The following ANK3 variants were observed in gnomAD, a reference collection of about 807,000 sequenced individuals.
The protein encoded by ANK3 is ankyrin-3.
ANK3 carries 57 observed loss-of-function variants against 370.9 expected under a neutral mutation model. That is an observed-to-expected ratio of 0.15 (90% confidence interval 0.12 to 0.19). The LOEUF is 0.19. Ranked by LOEUF, ANK3 falls within the 10% of genes least tolerant of loss-of-function variation. ANK3 has a pLI of 1.00. For missense variants in ANK3, 4,439 were observed against 5,302.1 expected (o/e 0.84, Z 5.06); for synonymous variants, 1,929 against 1,946.3 (o/e 0.99, Z 0.23).
chr10:60,530,091 C>A (rs894118472), intron 2 of ANK3, among the ~76,000 whole-genome samples: 11 of 152,176 alleles, frequency 7.2e-5, no homozygotes, highest in East Asian at 5.8e-4. Context: ...TTGCCAGAAC[C>A]CTGCCTCCTT....
intron 2 of ANK3, among the ~76,000 whole-genome samples, chr10:60,438,152 AG>A: frequency 6.6e-6 from 1 of 152,256 alleles, no homozygotes; most frequent in Admixed American, 6.5e-5. Context: ...TAGTGGTTTT[AG>A]GAACACACCT....
intron 2 of ANK3, among the ~76,000 whole-genome samples, chr10:60,395,580 C>A (rs898576137): frequency 2.4e-5 from 3 of 126,118 alleles, no homozygotes; most frequent in Non-Finnish European, 3.3e-5. Context: ...TTCTTTCTTT[C>A]TTTCTTTCTT....
intron 2 of ANK3, among the ~76,000 whole-genome samples, chr10:60,505,081 A>T (rs142750787): frequency 1.8e-3 from 267 of 152,250 alleles, no homozygotes; most frequent in African/African-American, 6.0e-3. Flanking sequence ...TTCATTTTGT[A>T]ATATTTCAGC....
rs188661073 is a variant in ANK3 at position 60,670,832 on chromosome 10, G to A, written c.58-55608C>T. On this transcript the variant is annotated intron_variant, in intron 1 of 43. Coordinates refer to the ANK3 transcript ENST00000373827. ...TTGACTCCAAGTGGGAGTGTTGTGC[G>A]GCACTTCTGAAGGCCACTGAAGGGG... Among the ~76,000 whole-genome samples the A allele has an allele frequency of 1.1e-3, 160 of 152,322 alleles. 1 individual carries two copies. Among genetic ancestry groups the A allele is most frequent in the Admixed American group, 7.6e-3 (116 of 15,308 alleles).
chr10:60,698,473 T>G (rs548176422), intron 1 of ANK3, among the ~76,000 whole-genome samples: 3 of 151,002 alleles, frequency 2.0e-5, no homozygotes, highest in African/African-American at 7.4e-5. Flanking sequence ...TGCGGCACTA[T>G]TCACAATAGC....
chr10:60,181,276 G>T (rs1388356166), intron 18 of ANK3, 53 bp downstream of exon 18: 1 of 1,422,026 alleles, frequency 7.0e-7, no homozygotes, highest in Non-Finnish European at 9.9e-7. Context: ...CTTCCTTACT[G>T]CAGTCACCAA....
chr10:60,311,328 T>C lies in ANK3; in HGVS notation c.115-31689A>G, dbSNP rs115020628. ...GCTGTTCAAACCTCCTAGGCTGTTA[T>C]GTGTAGCCCAAACCTTCTGAATATT... On this transcript the variant is annotated intron_variant, in intron 1 of 43. Transcript: ENST00000280772. 4.7e-3 allele frequency among the ~76,000 whole-genome samples: 714 copies of C among 152,320 alleles called. 5 individuals carry two copies. Among genetic ancestry groups the C allele is most frequent in the African/African-American group, 0.017 (686 of 41,570 alleles).
At chr10:60,710,466 T>C (rs2079688860) in intron 1 of ANK3, among the ~76,000 whole-genome samples, 2 of 152,198 alleles carry the variant, frequency 1.3e-5, no homozygotes, top group Admixed American at 1.3e-4. Flanking sequence ...TATTTTATGA[T>C]AGTAAATGAT....
chr10:60,032,194 CTTTTTTTTTT>C lies in ANK3; in HGVS notation c.*20-2378_*20-2369del, dbSNP rs552219776. On this transcript the variant is annotated intron_variant, in intron 43 of 43. Transcript: ENST00000280772. The stretch of plus-strand genomic sequence containing the variant: ...TTCAGCTATTATAAATACACAGCTT[CTTTTTTTTTT>C]TTTTTTTTTTTTTTTGAGACGAAGT... 7.8e-3 allele frequency among the ~76,000 whole-genome samples: 335 copies of C among 43,162 alleles called. 15 individuals are homozygous for C. Among genetic ancestry groups the C allele is most frequent in the Middle Eastern group, 0.077 (4 of 52 alleles). The allele number at this position is 43,162 out of a possible 152,430, so 28.3% of individuals were successfully genotyped here.
intron 1 of ANK3, among the ~76,000 whole-genome samples, chr10:60,675,443 C>T (rs1347559467): frequency 6.6e-6 from 1 of 152,176 alleles, no homozygotes; most frequent in Non-Finnish European, 1.5e-5. Flanking sequence ...TGTGACCATT[C>T]CAGTCCACAC....
intron 2 of ANK3, among the ~76,000 whole-genome samples, chr10:60,479,836 A>G (rs544683307): frequency 1.3e-5 from 2 of 152,306 alleles, no homozygotes; most frequent in South Asian, 4.2e-4. Flanking sequence ...GAATTTCACA[A>G]CGCTTTTGAT....
intron 23 of ANK3, among the ~76,000 whole-genome samples, chr10:60,162,497 T>C (rs2095523961): frequency 6.6e-6 from 1 of 152,172 alleles, no homozygotes; most frequent in African/African-American, 2.4e-5. Flanking sequence ...TGGATTTTAA[T>C]TTACTGTGGC....
chr10:60,407,207 T>G (rs1230742915), intron 2 of ANK3, among the ~76,000 whole-genome samples: 1 of 152,164 alleles, frequency 6.6e-6, no homozygotes, highest in African/African-American at 2.4e-5. Context: ...ATCCACATTA[T>G]TTTATTTATT....
intron 1 of ANK3, among the ~76,000 whole-genome samples, chr10:60,687,205 G>A (rs55921832): frequency 0.012 from 1,792 of 152,204 alleles, 35 homozygotes; most frequent in African/African-American, 0.041. Context: ...ACACACAACT[G>A]TATATATCGC....
chr10:60,205,302 C>T (rs959870801), intron 11 of ANK3, among the ~76,000 whole-genome samples: 7 of 152,196 alleles, frequency 4.6e-5, no homozygotes, highest in African/African-American at 1.7e-4. Context: ...TTCTCAACCT[C>T]AGCACATTTG....
At chr10:60,532,638 G>T (rs565374739) in intron 2 of ANK3, among the ~76,000 whole-genome samples, 1 of 152,162 alleles carries the variant, frequency 6.6e-6, no homozygotes, top group African/African-American at 2.4e-5. Flanking sequence ...GTAGAGACTG[G>T]GGGTCGTGGT....
At chr10:60,144,874 C>G (rs2094738671) in intron 23 of ANK3, among the ~76,000 whole-genome samples, 1 of 152,140 alleles carries the variant, frequency 6.6e-6, no homozygotes, top group Admixed American at 6.5e-5. Flanking sequence ...CCCTAATGAT[C>G]CTTTTTCATG....
intron 14 of ANK3, among the ~76,000 whole-genome samples, chr10:60,197,968 T>C (rs933602825): frequency 6.6e-6 from 1 of 152,204 alleles, no homozygotes; most frequent in Non-Finnish European, 1.5e-5. Flanking sequence ...TTTGCAAGTA[T>C]TATAAAAGCA....
At chr10:60,630,550 T>C (rs1275616449) in intron 1 of ANK3, among the ~76,000 whole-genome samples, 2 of 152,140 alleles carry the variant, frequency 1.3e-5, no homozygotes, top group Non-Finnish European at 2.9e-5. Context: ...GTGAAGTGAT[T>C]AGAGGATTCT....
Sources: allele counts gnomAD v4.1 joint callset (sites outside exome capture counted in the v4.1 genomes callset), GRCh38; gene constraint gnomAD v4.1.1; transcripts MANE v1.5; gene names NCBI Gene and HGNC (gene_info 2026-07-23, HGNC 2026-07-21).